RIN3: variants seen among roughly 807,000 people sequenced by gnomAD.
RIN3 encodes Ras and Rab interactor 3.
A neutral mutation model predicts 76.3 loss-of-function variants in RIN3; 54 were observed. The observed-to-expected ratio is 0.71, with a 90% confidence interval of 0.57 to 0.89. RIN3 has a LOEUF of 0.89. Among genes scored for constraint, RIN3 ranks in the 40% least tolerant of loss-of-function variants. The pLI is 0.00. For missense variants in RIN3, 1,256 were observed against 1,322.1 expected, an observed-to-expected ratio of 0.95 and a Z score of 0.78; for synonymous variants, 576 against 564.0, an observed-to-expected ratio of 1.02 and a Z score of -0.30.
intron 4 of RIN3, among the ~76,000 whole-genome samples, chr14:92,624,691 G>A (rs1886290553): frequency 6.6e-6 from 1 of 152,186 alleles, no homozygotes; most frequent in Admixed American, 6.5e-5. Flanking sequence ...TAATGGTCTG[G>A]GGTGAGTCTG....
intron 1 of RIN3, among the ~76,000 whole-genome samples, chr14:92,537,838 T>G (rs1897039735): frequency 3.8e-5 from 1 of 26,570 alleles, no homozygotes; most frequent in African/African-American, 2.1e-4. Context: ...TTTTATTTTA[T>G]TTATTTTTTT....
chr14:92,586,352 T>C (rs1884776891), intron 3 of RIN3: 1 of 152,264 alleles, frequency 6.6e-6, no homozygotes, highest in South Asian at 2.1e-4. Context: ...GGAGAACTCC[T>C]GTAAGATGTT....
rs1344792199 is a variant in RIN3, at chr14:92,688,287, G to T, written c.*35G>T. ...GGGGCGCCTCCCCTCACCCCCAGGC[G>T]CACGTCTGGCCCCGCCTCTGGCTGC... On this transcript the variant is annotated 3_prime_UTR_variant, in exon 10 of 10. Transcript: ENST00000216487. 3.3e-6 allele frequency: 5 copies of T among 1,494,798 alleles called. No individual in the cohort carries two copies. The highest frequency in any genetic ancestry group is 4.5e-6 in the Non-Finnish European group (5 of 1,121,050). 92.6% of individuals were successfully genotyped at this position (1,494,798 alleles called of 1,614,324 possible). A position where few individuals can be genotyped will look rare whatever the true frequency, so the allele number is the denominator to read the frequency against.
rs950910009 is a variant in RIN3, at chr14:92,577,218, A to G, written c.250-142A>G. On this transcript the variant is annotated intron_variant, in intron 2 of 9. Transcript: ENST00000216487. ...GCAAGGCTCTTGGGGCAGAACCCCC[A>G]GTGTCCCTGAGGCATCCTTGATCTC... 52 of 602,370 alleles carry G rather than the reference A, an allele frequency of 8.6e-5. No homozygotes were observed. In the Admixed American group the frequency reaches 1.3e-3, roughly 15 times the overall value. 37.3% of individuals were successfully genotyped at this position (602,370 alleles called of 1,614,324 possible).
chr14:92,565,590 G>C (rs1897895801), intron 2 of RIN3, among the ~76,000 whole-genome samples: 2 of 152,168 alleles, frequency 1.3e-5, no homozygotes, highest in South Asian at 2.1e-4. Context: ...TGGAGCTAAG[G>C]GTTTCCCCGC....
At chr14:92,515,441 C>G (rs532525450) in intron 1 of RIN3, 2 of 541,526 alleles carry the variant, frequency 3.7e-6, no homozygotes, top group African/African-American at 1.9e-5. Flanking sequence ...TTTTTTTGTT[C>G]ATTACTGGGT....
At chr14:92,564,829 C>T (rs1482382452) in intron 2 of RIN3, among the ~76,000 whole-genome samples, 4 of 152,212 alleles carry the variant, frequency 2.6e-5, no homozygotes, top group East Asian at 1.9e-4. Context: ...CACACACGCG[C>T]GCGCGCAGGA....
chr14:92,679,729 T>C lies in RIN3; in HGVS notation c.2467+3123T>C, dbSNP rs573604285. ...ACTGAGCCCTGACAGAGCTCAGAGA[T>C]GCTTAGGGTGGGAGGTGGGGGTTCC... On this transcript the variant is annotated intron_variant, in intron 8 of 9. Coordinates refer to ENST00000216487, the MANE Select transcript of RIN3 (RefSeq NM_024832.5). Among the ~76,000 whole-genome samples the C allele has an allele frequency of 3.0e-4, 46 of 152,208 alleles. No homozygotes were observed. In the South Asian group the frequency reaches 8.9e-3, roughly 29 times the overall value.
In RIN3 at chr14:92,568,730, C is replaced by T. The variant is rs895906929; in HGVS notation, c.250-8630C>T. On this transcript the variant is annotated intron_variant, in intron 2 of 9. Transcript: ENST00000216487. This position sits in a 1 kb window ranked among gnomAD's most constrained non-coding sequence, Gnocchi z 4.2. The stretch of plus-strand genomic sequence containing the variant: ...TCCATCGTGAACTCACAGCCTCCAG[C>T]CTCCTCTGCCCCAGGCCAGCGCCTT... Among the ~76,000 whole-genome samples, 1 of 152,248 alleles carries T rather than the reference C, an allele frequency of 6.6e-6. No homozygotes were observed. The highest frequency in any genetic ancestry group is 1.5e-5 in the Non-Finnish European group (1 of 68,038).
chr14:92,652,024 T>G lies in RIN3; in HGVS notation c.975T>G (p.His325Gln). 1 of 1,070,912 alleles carries G rather than the reference T, an allele frequency of 9.3e-7. No homozygotes were observed. Among genetic ancestry groups the G allele is most frequent in the Non-Finnish European group, 1.3e-6 (1 of 787,022 alleles). The allele number at this position is 1,070,912 out of a possible 1,614,324, so 66.3% of individuals were successfully genotyped here. The change falls in exon 6 of 10, where the codon CAT (histidine) becomes CAG (glutamine). Residue 325 changes from histidine to glutamine, a missense_variant. His to Gln is a conservative substitution (Grantham distance 24, BLOSUM62 0). Around this residue, in one of 3 missense-constraint regions of RIN3, gnomAD observed 610 missense variants for 626.4 expected, o/e 0.97. Transcript: ENST00000216487. This position sits in a 1 kb window ranked among gnomAD's most constrained non-coding sequence, Gnocchi z 6.4. ...PPVPAPHVTP[H>Q]APGPPDHPNQ... Reference sequence around the variant, plus strand: ...TGCCTGCCCCCCACGTCACACCCCATGCCCCAGGTCCCCCAGACCATCCGA... The same window carrying G: ...TGCCTGCCCCCCACGTCACACCCCAGGCCCCAGGTCCCCCAGACCATCCGA...
In RIN3 at chr14:92,579,263, T is replaced by C. The variant is rs145656618; in HGVS notation, c.367+1786T>C. Among the ~76,000 whole-genome samples the C allele has an allele frequency of 4.8e-3, 731 of 152,352 alleles. 4 individuals are homozygous for C. The highest frequency in any genetic ancestry group is 0.017 in the African/African-American group (702 of 41,576). On this transcript the variant is annotated intron_variant, in intron 3 of 9. Coordinates refer to ENST00000216487, the MANE Select transcript of RIN3 (RefSeq NM_024832.5). ...ATTTCTAATCTTGTGGCTAATTTGT[T>C]AGTTTTACAAAGGCGGCCTGGTCTC...
intron 4 of RIN3, among the ~76,000 whole-genome samples, chr14:92,629,189 G>A (rs948882009): frequency 3.3e-5 from 5 of 152,016 alleles, no homozygotes; most frequent in Non-Finnish European, 5.9e-5. Flanking sequence ...CCTGTATGGA[G>A]CAGAAAGGAA....
rs1292850197 is a variant in RIN3 at position 92,623,891 on chromosome 14, C to T, written c.440+8412C>T. 6.6e-6 allele frequency among the ~76,000 whole-genome samples: 1 copy of T among 152,236 alleles called. No homozygotes were observed. The highest frequency in any genetic ancestry group is 1.5e-5 in the Non-Finnish European group (1 of 68,042). ...ATCTGGAGATGGAGGCTGGATGGCC[C>T]TCGGGGGCTCACCCTCAAGGTGTTG... On this transcript the variant is annotated intron_variant, in intron 4 of 9. Coordinates refer to ENST00000216487, the MANE Select transcript of RIN3 (RefSeq NM_024832.5). This position sits in a 1 kb window ranked among gnomAD's most constrained non-coding sequence, Gnocchi z 4.9.
intron 5 of RIN3, chr14:92,644,659 C>G (rs1887133725): frequency 6.6e-6 from 1 of 152,166 alleles, no homozygotes; most frequent in South Asian, 2.1e-4. Flanking sequence ...CCTGGTGTCC[C>G]CGAGTGCTGA....
chr14:92,676,801 G>A (rs55643503), intron 8 of RIN3, among the ~76,000 whole-genome samples, 195 bp downstream of exon 8: 7,242 of 152,270 alleles, frequency 0.048, 280 homozygotes, highest in African/African-American at 0.11. Flanking sequence ...AGATGAGCCA[G>A]TCAAGAGACT....
chr14:92,537,684 G>A lies in RIN3; in HGVS notation c.45-18067G>A, dbSNP rs189280983. ...TTTGGAGACAGAGTCTTGCTCTGTCGCCCAGGCTGTAGTGCAGTGGCACAA... is the reference window on the plus strand; with the variant it reads ...TTTGGAGACAGAGTCTTGCTCTGTCACCCAGGCTGTAGTGCAGTGGCACAA... On this transcript the variant is annotated intron_variant, in intron 1 of 9. Coordinates refer to ENST00000216487, the MANE Select transcript of RIN3 (RefSeq NM_024832.5). Among the ~76,000 whole-genome samples the A allele has an allele frequency of 8.3e-3, 922 of 111,730 alleles. 14 individuals are homozygous for A. The highest frequency in any genetic ancestry group is 0.03 in the African/African-American group (870 of 29,324). The allele number at this position is 111,730 out of a possible 152,430, so 73.3% of individuals were successfully genotyped here. A position where few individuals can be genotyped will look rare whatever the true frequency, so the allele number is the denominator to read the frequency against.
chr14:92,629,041 A>G (rs1269329911), intron 4 of RIN3, among the ~76,000 whole-genome samples: 1 of 152,092 alleles, frequency 6.6e-6, no homozygotes, highest in East Asian at 1.9e-4. Flanking sequence ...CCTTAGTTTC[A>G]CTGGCCACGG....
At chr14:92,519,705 C>T (rs141078672) in intron 1 of RIN3, among the ~76,000 whole-genome samples, 20 of 152,236 alleles carry the variant, frequency 1.3e-4, no homozygotes, top group Admixed American at 9.2e-4. Context: ...ATAGCCAACG[C>T]GTCCCTGTGC....
Position 92,685,978 on chromosome 14 carries a change from G to A in RIN3, c.2631+828G>A, listed in dbSNP as rs1375771159. The A allele has an allele frequency of 6.6e-6, 1 of 152,458 alleles. No homozygotes were observed. Among genetic ancestry groups the A allele is most frequent in the African/African-American group, 2.4e-5 (1 of 41,456 alleles). 9.4% of individuals were successfully genotyped at this position (152,458 alleles called of 1,614,324 possible). On this transcript the variant is annotated intron_variant, in intron 9 of 9. Transcript: ENST00000216487. This position sits in a 1 kb window ranked among gnomAD's most constrained non-coding sequence, Gnocchi z 4.7. ...TCTGCATATGAAGCTGTCACCTCTG[G>A]GAGGGCACAGCCCATGGTTCACATG...
Sources: gnomAD v4.1 joint callset for allele counts (sites outside exome capture counted in the v4.1 genomes callset) on GRCh38, gnomAD v4.1.1 for gene constraint, gnomAD v4.1.1 regional missense constraint, Gnocchi (gnomAD v3.1) non-coding constraint, MANE v1.5 for transcripts, NCBI Gene and HGNC (gene_info 2026-07-23, HGNC 2026-07-21) for gene names.